Variants in TSPEAR observed in about 807,000 individuals in gnomAD.
TSPEAR encodes the protein thrombospondin-type laminin G domain and EAR repeat-containing protein.
A neutral mutation model predicts 71.6 loss-of-function variants in TSPEAR; 69 were observed. The observed-to-expected ratio is 0.96, with a 90% CI of 0.79 to 1.18. The LOEUF (loss-of-function observed/expected upper bound fraction) is 1.18, where lower values mean the gene tolerates loss of function less well. TSPEAR is among the 50% of genes most tolerant of loss of function. The pLI is 0.00. For missense variants in TSPEAR, 971 were observed against 894.9 expected (o/e 1.09, Z -1.09); for synonymous variants, 402 against 387.2 (o/e 1.04, Z -0.45).
chr21:44,636,455 G>A (rs1410709039), intron 1 of TSPEAR, among the ~76,000 whole-genome samples: 1 of 152,154 alleles, frequency 6.6e-6, no homozygotes, highest in African/African-American at 2.4e-5. Flanking sequence ...AGCGTGGCCT[G>A]GGACAGTCAC....
chr21:44,595,802 A>T (rs1555927545), intron 1 of TSPEAR, among the ~76,000 whole-genome samples: 1 of 152,162 alleles, frequency 6.6e-6, no homozygotes, highest in Non-Finnish European at 1.5e-5. Context: ...TGTACACATA[A>T]ATTTTTAAAA....
chr21:44,609,557 A>G (rs1323727893), intron 1 of TSPEAR, among the ~76,000 whole-genome samples: 8 of 152,242 alleles, frequency 5.3e-5, no homozygotes, highest in Non-Finnish European at 2.9e-5. Flanking sequence ...GGGAGCAGCC[A>G]ATAGAGACTG....
chr21:44,612,450 C>T lies in TSPEAR; in HGVS notation c.83-44445G>A, dbSNP rs1392223800. 3.7e-6 allele frequency: 6 copies of T among 1,613,906 alleles called. No homozygotes were observed. The African/African-American group carries it at 6.7e-5, about 18-fold the overall frequency. ...TGCACCTCCTCCCCCTGCCAACAGG[C>T]CTGCTGTGTGCCTGTGTGCTGCAAG... is the stretch of plus-strand genomic sequence containing the variant. On this transcript the variant is annotated intron_variant, in intron 1 of 11. Coordinates refer to ENST00000323084, the MANE Select transcript of TSPEAR (RefSeq NM_144991.3). This position sits in a 1 kb window ranked among gnomAD's most constrained non-coding sequence, Gnocchi z 4.1.
intron 1 of TSPEAR, among the ~76,000 whole-genome samples, chr21:44,604,002 G>A (rs1206835767): frequency 6.6e-6 from 1 of 152,250 alleles, no homozygotes; most frequent in African/African-American, 2.4e-5. Context: ...CTGGGCACGT[G>A]GGCTGGCAGG....
rs185351782 is a variant in TSPEAR at position 44,556,602 on chromosome 21, G to A, written c.303+11183C>T. On this transcript the variant is annotated intron_variant, in intron 2 of 11. Transcript: ENST00000323084. Reference sequence around the variant, plus strand: ...CAGCTACTCAGGAGGAGAGGCAGGAGAATCCCTTGAATCTGGGAGGTGGAG... The same window carrying A: ...CAGCTACTCAGGAGGAGAGGCAGGAAAATCCCTTGAATCTGGGAGGTGGAG... Among the ~76,000 whole-genome samples the A allele has an allele frequency of 1.9e-4, 29 of 152,274 alleles. No individual in the cohort carries two copies. The East Asian group carries it at 4.6e-3, about 24-fold the overall frequency.
intron 1 of TSPEAR, among the ~76,000 whole-genome samples, chr21:44,585,989 C>T: frequency 6.6e-6 from 1 of 152,358 alleles, no homozygotes; most frequent in South Asian, 2.1e-4. Flanking sequence ...GCCTTGTCTG[C>T]CGCTGGCTGA....
intron 8 of TSPEAR, among the ~76,000 whole-genome samples, chr21:44,524,148 C>T (rs2052797384): frequency 6.6e-6 from 1 of 151,252 alleles, no homozygotes; most frequent in East Asian, 2.0e-4. Flanking sequence ...GGTAGTCAGT[C>T]AGCTAGTCAA....
chr21:44,681,968 G>A, intron 1 of TSPEAR: 1 of 1,613,832 alleles, frequency 6.2e-7, no homozygotes. Context: ...CGCACACAGA[G>A]GACTGGCATC....
intron 1 of TSPEAR, chr21:44,601,679 C>T: frequency 1.2e-6 from 2 of 1,612,806 alleles, no homozygotes; most frequent in African/African-American, 2.7e-5. Context: ...TGCCGCCCCG[C>T]ATGCTCCCGC....
At chr21:44,544,427 T>C (rs1184136940) in intron 2 of TSPEAR, among the ~76,000 whole-genome samples, 1 of 152,206 alleles carries the variant, frequency 6.6e-6, no homozygotes, top group Non-Finnish European at 1.5e-5. Flanking sequence ...GACACAACTA[T>C]CTATATTTGT....
intron 3 of TSPEAR, among the ~76,000 whole-genome samples, chr21:44,532,463 A>C (rs1016482706): frequency 1.2e-4 from 19 of 152,200 alleles, no homozygotes; most frequent in Non-Finnish European, 2.9e-5. Flanking sequence ...TCCAGCTCTC[A>C]GGACCTGAGA....
intron 1 of TSPEAR, among the ~76,000 whole-genome samples, chr21:44,694,687 T>G (rs900454521): frequency 1.3e-5 from 2 of 152,192 alleles, no homozygotes; most frequent in Admixed American, 1.3e-4. Flanking sequence ...GAATAGGCAG[T>G]TTTAGCACAC....
Position 44,647,408 on chromosome 21 carries a change from T to C in TSPEAR, c.82+64025A>G, listed in dbSNP as rs1157573288. 5 of 1,580,396 alleles carry C rather than the reference T, an allele frequency of 3.2e-6. No individual in the cohort carries two copies. In the African/African-American group the frequency reaches 4.0e-5, roughly 13 times the overall value. ...GTGTCTTTGCTGCCAAGCAGGATTC[T>C]CCAGTCTCAGGAGCCCCTGGAGTCC... On this transcript the variant is annotated intron_variant, in intron 1 of 11. Coordinates refer to ENST00000323084, the MANE Select transcript of TSPEAR (RefSeq NM_144991.3).
intron 1 of TSPEAR, among the ~76,000 whole-genome samples, chr21:44,578,456 G>A (rs1057041004): frequency 3.3e-5 from 5 of 152,232 alleles, no homozygotes; most frequent in East Asian, 3.9e-4. Flanking sequence ...ATTCTACCAA[G>A]CATTTAGGGG....
At chr21:44,607,090 T>C (rs1310094883) in intron 1 of TSPEAR, among the ~76,000 whole-genome samples, 2 of 152,226 alleles carry the variant, frequency 1.3e-5, no homozygotes, top group Admixed American at 1.3e-4. Flanking sequence ...TTTTTTGTTT[T>C]GTTTTGTTTT....
At chr21:44,502,095 C>T (rs966268480) in intron 11 of TSPEAR, among the ~76,000 whole-genome samples, 7 of 152,176 alleles carry the variant, frequency 4.6e-5, no homozygotes, top group South Asian at 2.1e-4. Flanking sequence ...TCTAATAACG[C>T]GAGGAGATGT....
chr21:44,708,944 G>A (rs1356813004), intron 1 of TSPEAR, among the ~76,000 whole-genome samples: 2 of 152,246 alleles, frequency 1.3e-5, no homozygotes, highest in Admixed American at 6.5e-5. Context: ...AATGAGGAGA[G>A]CCAGGTAGCT....
chr21:44,675,750 C>A (rs587678583), intron 1 of TSPEAR: 2 of 482,246 alleles, frequency 4.1e-6, no homozygotes, highest in Non-Finnish European at 7.5e-6. Context: ...ACATTTAGAA[C>A]AGTACTTGTA....
intron 2 of TSPEAR, among the ~76,000 whole-genome samples, chr21:44,538,265 C>T (rs894422780): frequency 3.9e-5 from 6 of 152,170 alleles, no homozygotes; most frequent in African/African-American, 1.2e-4. Flanking sequence ...TACCATTGTC[C>T]CCGCTGACGG....
Sources: allele counts gnomAD v4.1 joint callset (sites outside exome capture counted in the v4.1 genomes callset), GRCh38; gene constraint gnomAD v4.1.1; non-coding constraint Gnocchi (gnomAD v3.1); transcripts MANE v1.5; gene names NCBI Gene and HGNC (gene_info 2026-07-23, HGNC 2026-07-21).